Variants in PCDHAC2 observed in about 807,000 individuals in gnomAD.
PCDHAC2 encodes protocadherin alpha subfamily C, 2, also known as protocadherin alpha-C2.
A neutral mutation model predicts 63.3 loss-of-function variants in PCDHAC2; 24 were observed. That is an observed-to-expected ratio of 0.38 (90% confidence interval 0.27 to 0.53). PCDHAC2 has a LOEUF of 0.53. Ranked by LOEUF, PCDHAC2 falls within the 20% of genes least tolerant of loss-of-function variation. The pLI is 0.81. For missense variants in PCDHAC2, 1,181 were observed against 1,275.2 expected (o/e 0.93, Z 1.12); for synonymous variants, 569 against 529.4 (o/e 1.07, Z -1.03).
chr5:140,975,514 C>T (rs549258421), intron 1 of PCDHAC2, among the ~76,000 whole-genome samples: 2 of 152,304 alleles, frequency 1.3e-5, no homozygotes, highest in African/African-American at 4.8e-5. Flanking sequence ...TATGCAAAAT[C>T]TGCAGTGGAT....
At position 141,010,114 on chromosome 5, in the gene PCDHAC2, G is replaced by A. The variant is rs2098416092; in HGVS notation, c.*177G>A. Reference sequence around the variant, plus strand: ...GCATTTAACAGGTTTTGTCGTAAAAGCTTTACTAAGTCTGGTGTTAACTCT... The same window carrying A: ...GCATTTAACAGGTTTTGTCGTAAAAACTTTACTAAGTCTGGTGTTAACTCT... On this transcript the variant is annotated 3_prime_UTR_variant, in exon 4 of 4. Transcript: ENST00000289269. The A allele has an allele frequency of 1.2e-6, 2 of 1,609,716 alleles. No homozygotes were observed. Among genetic ancestry groups the A allele is most frequent in the Non-Finnish European group, 1.7e-6 (2 of 1,177,682 alleles).
intron 3 of PCDHAC2, among the ~76,000 whole-genome samples, chr5:140,990,073 GA>G (rs1319076601): frequency 2.6e-5 from 4 of 152,060 alleles, no homozygotes; most frequent in Non-Finnish European, 5.9e-5. Context: ...AAATAAGGGG[GA>G]CAAAGGATGC....
At chr5:141,009,500 A>G (rs2098409925) in intron 3 of PCDHAC2, 127 bp from the exon 4 acceptor site, 2 of 1,494,658 alleles carry the variant, frequency 1.3e-6, no homozygotes, top group Non-Finnish European at 1.8e-6. Flanking sequence ...TCAGACTTGA[A>G]CAAACAACTC....
At chr5:140,969,923 A>G (rs1270842223) in intron 1 of PCDHAC2, among the ~76,000 whole-genome samples, 3 of 152,234 alleles carry the variant, frequency 2.0e-5, no homozygotes, top group Non-Finnish European at 4.4e-5. Flanking sequence ...AAGCTGTAGT[A>G]TTTAGACATC....
chr5:140,972,322 T>C (rs2096531924), intron 1 of PCDHAC2, among the ~76,000 whole-genome samples: 1 of 151,968 alleles, frequency 6.6e-6, no homozygotes, highest in African/African-American at 2.4e-5. Context: ...AGGTGTTTTT[T>C]TTTTTTGGAA....
intron 2 of PCDHAC2, among the ~76,000 whole-genome samples, chr5:140,980,982 C>G (rs1208541065): frequency 6.6e-6 from 1 of 151,990 alleles, no homozygotes; most frequent in East Asian, 1.9e-4. Flanking sequence ...ACTGAGCCCA[C>G]ACAATTTGCT....
At chr5:140,989,041 A>G (rs531223216) in intron 3 of PCDHAC2, 1 of 152,340 alleles carries the variant, frequency 6.6e-6, no homozygotes, top group Admixed American at 6.5e-5. Flanking sequence ...GATTCCTTTA[A>G]TATGCCAGCT....
chr5:140,967,869 C>A lies in PCDHAC2; in HGVS notation c.1103C>A (p.Thr368Lys). The part of the protein sequence containing the change: ...VNDNAPEVVL[T>K]DLYSPVPENA... ...GACAATGCCCCAGAGGTGGTGCTCACGGACCTGTATAGCCCAGTGCCTGAG... is the reference window on the plus strand; with the variant it reads ...GACAATGCCCCAGAGGTGGTGCTCAAGGACCTGTATAGCCCAGTGCCTGAG... Residue 368 changes from threonine to lysine, a missense_variant, in exon 1 of 4, where the codon ACG becomes AAG. This residue lies in a region of PCDHAC2 where 968 missense variants were observed against 1,073.5 expected (regional missense o/e 0.90). Transcript: ENST00000289269. 1 of 1,614,160 alleles carries A rather than the reference C, an allele frequency of 6.2e-7. No homozygotes were observed. The highest frequency in any genetic ancestry group is 1.1e-5 in the South Asian group (1 of 91,076).
intron 1 of PCDHAC2, among the ~76,000 whole-genome samples, chr5:140,973,878 A>T (rs1440672302): frequency 6.6e-6 from 1 of 152,214 alleles, no homozygotes; most frequent in African/African-American, 2.4e-5. Context: ...GGTCAGAATA[A>T]TGTCAATTTG....
At chr5:140,988,467 A>T (rs1245281936) in intron 3 of PCDHAC2, among the ~76,000 whole-genome samples, 12 of 152,242 alleles carry the variant, frequency 7.9e-5, no homozygotes, top group African/African-American at 2.4e-4. Flanking sequence ...AGGGTGTGGG[A>T]AGGGGAATTA....
intron 1 of PCDHAC2, 152 bp downstream of exon 1, chr5:140,969,483 G>C (rs531496681): frequency 1.4e-6 from 2 of 1,462,372 alleles, no homozygotes; most frequent in African/African-American, 1.4e-5. Context: ...ATCATAATCT[G>C]CTATTTCCTC....
At chr5:140,976,753 G>A (rs2096729890) in intron 1 of PCDHAC2, among the ~76,000 whole-genome samples, 1 of 152,130 alleles carries the variant, frequency 6.6e-6, no homozygotes. Context: ...CCTCCCAGAT[G>A]CCAGAAGCCT....
At chr5:140,983,408 A>G (rs1554245369) in intron 3 of PCDHAC2, among the ~76,000 whole-genome samples, 1 of 152,208 alleles carries the variant, frequency 6.6e-6, no homozygotes, top group Non-Finnish European at 1.5e-5. Flanking sequence ...GGGAAGATTA[A>G]GTGTTGGTAG....
At chr5:140,971,527 A>G (rs116818549) in intron 1 of PCDHAC2, among the ~76,000 whole-genome samples, 2,035 of 152,284 alleles carry the variant, frequency 0.013, 20 homozygotes, top group Middle Eastern at 0.054. Context: ...CAGTTCTGAA[A>G]GTCATCATTG....
Position 141,009,840 on chromosome 5 carries a change from A to T in PCDHAC2, c.2927A>T (p.Lys976Met), listed in dbSNP as rs782270689. 1 of 1,614,186 alleles carries T rather than the reference A, an allele frequency of 6.2e-7. No individual in the cohort carries two copies. The highest frequency in any genetic ancestry group is 1.7e-5 in the Admixed American group (1 of 60,024). The change falls in exon 4 of 4, where the codon AAG (lysine) becomes ATG (methionine). Residue 976 changes from lysine (K) to methionine (M), a missense_variant. Lys to Met is a moderately conservative substitution (Grantham distance 95). Around this residue, in one of 3 missense-constraint regions of PCDHAC2, gnomAD observed 968 missense variants for 1,073.5 expected, o/e 0.90. Coordinates refer to ENST00000289269, the MANE Select transcript of PCDHAC2 (RefSeq NM_018899.6). ...AGTGACTTCATAACCTTCGGCAAAA[A>T]GGAGGAGACCAAGAAAAAGAAGAAA... Reference protein sequence around the residue: ...DKSDFITFGKKEETKKKKKKK... With the variant: ...DKSDFITFGKMEETKKKKKKK...
Position 140,969,141 on chromosome 5 carries a change from G to A in PCDHAC2, c.2375G>A (p.Cys792Tyr). 6.2e-7 allele frequency: 1 copy of A among 1,614,158 alleles called. No homozygotes were observed. The highest frequency in any genetic ancestry group is 1.1e-5 in the South Asian group (1 of 91,074). Residue 792 changes from cysteine (C) to tyrosine (Y), a missense_variant, in exon 1 of 4, where the codon TGC (cysteine) becomes TAC (tyrosine). By Grantham distance (194) the Cys-to-Tyr change is radical. Around this residue, in one of 3 missense-constraint regions of PCDHAC2, gnomAD observed 968 missense variants for 1,073.5 expected, o/e 0.90. Transcript: ENST00000289269. The stretch of plus-strand genomic sequence containing the variant: ...AATGGCTCCCTCACCAAGACCTACT[G>A]CTACAAGGCCTGTCTGACAGCAGGC... The part of the protein sequence containing the change: ...RGNGSLTKTY[C>Y]YKACLTAGSG...
At position 140,966,710 on chromosome 5, in the gene PCDHAC2, G is replaced by T. The variant is rs552888876; in HGVS notation, c.-57G>T. The T allele has an allele frequency of 2.9e-6, 4 of 1,391,664 alleles. No individual in the cohort carries two copies. In the South Asian group the frequency reaches 6.5e-5, roughly 23 times the overall value. The allele number at this position is 1,391,664 out of a possible 1,614,324, so 86.2% of individuals were successfully genotyped here. A position where few individuals can be genotyped will look rare whatever the true frequency, so the allele number is the denominator to read the frequency against. On this transcript the variant is annotated 5_prime_UTR_variant, in exon 1 of 4. Transcript: ENST00000289269. ...AGGCGGGGCCCGGGCGTGGGGCACG[G>T]CTGGGGAAGCTGCCGCCTCCGGCCC...
intron 1 of PCDHAC2, among the ~76,000 whole-genome samples, chr5:140,973,564 A>T (rs2096593487): frequency 6.6e-6 from 1 of 152,168 alleles, no homozygotes; most frequent in Admixed American, 6.5e-5. Context: ...CTCTTTCCTC[A>T]ATTTTTCTAC....
chr5:141,009,736 G>T lies in PCDHAC2; in HGVS notation c.2823G>T (p.Leu941Phe). 1 of 1,614,086 alleles carries T rather than the reference G, an allele frequency of 6.2e-7. No homozygotes were observed. Among genetic ancestry groups the T allele is most frequent in the East Asian group, 2.2e-5 (1 of 44,872 alleles). Residue 941 changes from leucine to phenylalanine, a missense_variant, in exon 4 of 4, where the codon TTG becomes TTT. Leu to Phe is a conservative substitution (Grantham distance 22). Around this residue, in one of 3 missense-constraint regions of PCDHAC2, gnomAD observed 968 missense variants for 1,073.5 expected, o/e 0.90. Transcript: ENST00000289269. ...GNPKQSGPGE[L>F]PDKFIIPGSP... ...CCAAACAATCCGGTCCCGGTGAGTT[G>T]CCCGACAAATTCATTATCCCAGGAT...
Sources: allele counts gnomAD v4.1 joint callset (sites outside exome capture counted in the v4.1 genomes callset), GRCh38; gene constraint gnomAD v4.1.1; regional missense constraint gnomAD v4.1.1; transcripts MANE v1.5; gene names NCBI Gene and HGNC (gene_info 2026-07-23, HGNC 2026-07-21).